The following IMPG2 variants were observed in gnomAD, a reference collection of about 807,000 sequenced individuals.
The protein encoded by IMPG2 is IPM 200.
Under a neutral mutation model 129.2 loss-of-function variants are expected in IMPG2, and 91 were observed. The observed-to-expected ratio is 0.70, with a 90% CI of 0.59 to 0.84. The LOEUF (loss-of-function observed/expected upper bound fraction) is 0.84. IMPG2 is among the 40% of genes least tolerant of loss of function. The probability of loss-of-function intolerance (pLI) is 0.00; values close to 1 mark genes in which losing one functional copy is unlikely to be tolerated. For missense variants in IMPG2, 1,430 were observed against 1,461.7 expected, an observed-to-expected ratio of 0.98 and a Z score of 0.35; for synonymous variants, 510 against 517.7, an observed-to-expected ratio of 0.99 and a Z score of 0.20.
At chr3:101,265,168 C>G (rs1706709432) in intron 9 of IMPG2, among the ~76,000 whole-genome samples, 2 of 152,204 alleles carry the variant, frequency 1.3e-5, no homozygotes, top group Admixed American at 1.3e-4. Flanking sequence ...ATACCAATGA[C>G]ATTCTTCACA....
chr3:101,240,301 T>C lies in IMPG2; in HGVS notation c.3022+2387A>G, dbSNP rs370569840. Among the ~76,000 whole-genome samples, 3 of 152,034 alleles carry C rather than the reference T, an allele frequency of 2.0e-5. No homozygotes were observed. The East Asian group carries it at 5.8e-4, about 29-fold the overall frequency. On this transcript the variant is annotated intron_variant, in intron 14 of 18. Coordinates refer to ENST00000193391, the MANE Select transcript of IMPG2 (RefSeq NM_016247.4). ...CCCAGCTAATTTTTCAGTTTTTCTG[T>C]AGAGATGGAGACTCACTATGTTGCT...
At chr3:101,296,699 T>C (rs961018605) in intron 3 of IMPG2, among the ~76,000 whole-genome samples, 13 of 14,106 alleles carry the variant, frequency 9.2e-4, no homozygotes, top group African/African-American at 1.5e-3. Context: ...GGTCCCAGGA[T>C]TTTTTTTTTG....
intron 8 of IMPG2, among the ~76,000 whole-genome samples, chr3:101,268,620 C>CATAT (rs10631743): frequency 0.049 from 7,388 of 149,628 alleles, 288 homozygotes; most frequent in African/African-American, 0.11. Context: ...TGTAAATATA[C>CATAT]ATATATATAT....
In IMPG2 at chr3:101,226,642, G is replaced by A; in HGVS notation, c.*327C>T. On this transcript the variant is annotated 3_prime_UTR_variant, in exon 19 of 19. Coordinates refer to ENST00000193391, the MANE Select transcript of IMPG2 (RefSeq NM_016247.4). ...AAAACCCGAGGCACAGTTCTTAGGA[G>A]ACACCCCCAGTGATTCAGAAGCAGA... The A allele has an allele frequency of 3.4e-6, 1 of 295,610 alleles. No individual in the cohort carries two copies. Among genetic ancestry groups the A allele is most frequent in the Non-Finnish European group, 6.2e-6 (1 of 160,332 alleles). The allele number at this position is 295,610 out of a possible 1,614,324, so 18.3% of individuals were successfully genotyped here. A position where few individuals can be genotyped will look rare whatever the true frequency, so the allele number is the denominator to read the frequency against.
At chr3:101,269,187 C>T (rs72932473) in intron 8 of IMPG2, among the ~76,000 whole-genome samples, 6,766 of 115,312 alleles carry the variant, frequency 0.059, 524 homozygotes, top group African/African-American at 0.19. Flanking sequence ...TTTAGGAAAA[C>T]ACTGGGGCCA....
At chr3:101,290,773 C>G (rs1314615561) in intron 4 of IMPG2, among the ~76,000 whole-genome samples, 1 of 152,132 alleles carries the variant, frequency 6.6e-6, no homozygotes, top group Non-Finnish European at 1.5e-5. Flanking sequence ...TGTACACTGA[C>G]TCACCTACTT....
At chr3:101,271,298 A>G (rs1446617573) in intron 7 of IMPG2, among the ~76,000 whole-genome samples, 1 of 152,122 alleles carries the variant, frequency 6.6e-6, no homozygotes, top group Non-Finnish European at 1.5e-5. Flanking sequence ...GATTAAAAGA[A>G]ATGTACCTAA....
Position 101,226,917 on chromosome 3 carries a change from G to C in IMPG2, c.*52C>G. 1 of 1,582,250 alleles carries C rather than the reference G, an allele frequency of 6.3e-7. No individual in the cohort carries two copies. The highest frequency in any genetic ancestry group is 8.7e-7 in the Non-Finnish European group (1 of 1,151,680). On this transcript the variant is annotated 3_prime_UTR_variant, in exon 19 of 19. Transcript: ENST00000193391. ...GTTAATTATATGACATAAGTAACAAGTAATCTCCATCTTCTCCAGGCTTCT... is the reference window on the plus strand; with the variant it reads ...GTTAATTATATGACATAAGTAACAACTAATCTCCATCTTCTCCAGGCTTCT...
At chr3:101,316,065 G>T (rs781058525) in intron 2 of IMPG2, among the ~76,000 whole-genome samples, 36 of 151,950 alleles carry the variant, frequency 2.4e-4, no homozygotes, top group Non-Finnish European at 4.6e-4. Context: ...AATTAGCTAT[G>T]CATATAAAAA....
At chr3:101,243,239 G>T (rs111650957) in intron 13 of IMPG2, among the ~76,000 whole-genome samples, 1 of 152,196 alleles carries the variant, frequency 6.6e-6, no homozygotes, top group Non-Finnish European at 1.5e-5. Flanking sequence ...TAGCTTCACA[G>T]TAAAATGTGA....
At position 101,229,532 on chromosome 3, in the gene IMPG2, G is replaced by T. The variant is rs367651705; in HGVS notation, c.3481C>A (p.Pro1161Thr). 5.1e-5 allele frequency: 83 copies of T among 1,613,874 alleles called. No homozygotes were observed. The highest frequency in any genetic ancestry group is 6.7e-5 in the Non-Finnish European group (79 of 1,180,024). The change falls in exon 17 of 19, where the codon CCC becomes ACC. Residue 1161 changes from proline (P) to threonine (T), a missense_variant. Coordinates refer to ENST00000193391, the MANE Select transcript of IMPG2 (RefSeq NM_016247.4). ...SSIENAVKYN[P>T]VYESHRAGCE... is the part of the protein sequence containing the mutation. ...CCAGCCCTGTGACTTTCATACACGG[G>T]GTTGTACTTCACAGCATTCTCAATA...
In IMPG2 at chr3:101,229,441, A is replaced by G. The variant is rs1212519631; in HGVS notation, c.3572T>C (p.Ile1191Thr). The G allele has an allele frequency of 6.2e-7, 1 of 1,612,594 alleles. No homozygotes were observed. Among genetic ancestry groups the G allele is most frequent in the Admixed American group, 1.7e-5 (1 of 59,998 alleles). The change falls in exon 17 of 19, where the codon ATT (isoleucine) becomes ACT (threonine). Residue 1191 changes from isoleucine to threonine, a missense_variant. Transcript: ENST00000193391. ...PFYSSASGDV[I>T]GGLSREEIRQ... ...GATTTCTTCTCTGCTCAGCCCACCAATCACGTCTCCGCTAGCAGAGCTGTA... is the reference window on the plus strand; with the variant it reads ...GATTTCTTCTCTGCTCAGCCCACCAGTCACGTCTCCGCTAGCAGAGCTGTA...
rs74600639 is a variant in IMPG2, at chr3:101,254,703, A to C, written c.1154-922T>G. Among the ~76,000 whole-genome samples the C allele has an allele frequency of 4.6e-5, 7 of 152,234 alleles. No homozygotes were observed. The East Asian group carries it at 1.2e-3, about 25-fold the overall frequency. ...ATACAATTATCTTGTCTTCTATGAA[A>C]AATAAGCTCCACAAGATCAAGGAGT... On this transcript the variant is annotated intron_variant, in intron 10 of 18. Coordinates refer to ENST00000193391, the MANE Select transcript of IMPG2 (RefSeq NM_016247.4).
At position 101,228,883 on chromosome 3, in the gene IMPG2, CA is replaced by C. The variant is rs768055873; in HGVS notation, c.3634-8del. On this transcript the variant is annotated splice_region_variant and splice_polypyrimidine_tract_variant and intron_variant, in intron 17 of 18. Coordinates refer to ENST00000193391, the MANE Select transcript of IMPG2 (RefSeq NM_016247.4). The stretch of plus-strand genomic sequence containing the variant: ...TCATTCTCTCTTGAATTTCCTTAAA[CA>C]AAAAAGAAACAATAGGCCACACATT... 4.1e-5 allele frequency: 66 copies of C among 1,609,156 alleles called. No homozygotes were observed. The highest frequency in any genetic ancestry group is 5.3e-5 in the Non-Finnish European group (62 of 1,175,832).
At position 101,269,873 on chromosome 3, in the gene IMPG2, G is replaced by GA. The variant is rs201737087; in HGVS notation, c.829-301dup. 4.7e-3 allele frequency among the ~76,000 whole-genome samples: 670 copies of GA among 142,508 alleles called. 7 individuals are homozygous for GA. The highest frequency in any genetic ancestry group is 0.015 in the African/African-American group (595 of 38,884). The allele number at this position is 142,508 out of a possible 152,430, so 93.5% of individuals were successfully genotyped here. Reference sequence around the variant, plus strand: ...GTTTTTCCCTTATGTGATGAAATGTGAAAAAAAAATTGTTTCAAAAGAAGC... The same window carrying GA: ...GTTTTTCCCTTATGTGATGAAATGTGAAAAAAAAAATTGTTTCAAAAGAAGC... On this transcript the variant is annotated intron_variant, in intron 7 of 18. Transcript: ENST00000193391.
At chr3:101,258,559 A>G (rs1208254542) in intron 9 of IMPG2, among the ~76,000 whole-genome samples, 4 of 152,114 alleles carry the variant, frequency 2.6e-5, no homozygotes, top group Non-Finnish European at 5.9e-5. Context: ...TACTCTAGAA[A>G]CAAGCTCTCT....
At chr3:101,310,559 CAAAAAAA>C (rs199570786) in intron 2 of IMPG2, among the ~76,000 whole-genome samples, 57 of 126,514 alleles carry the variant, frequency 4.5e-4, no homozygotes, top group African/African-American at 1.7e-3. Flanking sequence ...GACCCTGTCT[CAAAAAAA>C]AAAAAAAAAA....
chr3:101,267,546 T>C lies in IMPG2; in HGVS notation c.888-15A>G, dbSNP rs1427675677. On this transcript the variant is annotated splice_polypyrimidine_tract_variant and intron_variant, in intron 8 of 18. Transcript: ENST00000193391. ...CCTTGGGGGACCTGAAAACAAAAATTAAAAATATTAAACAGAGTTTGAGAC... is the reference window on the plus strand; with the variant it reads ...CCTTGGGGGACCTGAAAACAAAAATCAAAAATATTAAACAGAGTTTGAGAC... 1 of 1,602,898 alleles carries C rather than the reference T, an allele frequency of 6.2e-7. No individual in the cohort carries two copies. The highest frequency in any genetic ancestry group is 1.1e-5 in the South Asian group (1 of 90,788).
At chr3:101,295,458 C>A (rs1349056049) in intron 3 of IMPG2, among the ~76,000 whole-genome samples, 1 of 152,146 alleles carries the variant, frequency 6.6e-6, no homozygotes, top group African/African-American at 2.4e-5. Flanking sequence ...GGCACCAGTA[C>A]CGTGCTGTTT....
Sources: allele counts gnomAD v4.1 joint callset (sites outside exome capture counted in the v4.1 genomes callset), GRCh38; gene constraint gnomAD v4.1.1; transcripts MANE v1.5; gene names NCBI Gene and HGNC (gene_info 2026-07-23, HGNC 2026-07-21).